Variants in SPATS2L observed in about 807,000 individuals in gnomAD.
SPATS2L encodes SPATS2-like protein.
SPATS2L carries 30 observed loss-of-function variants against 59.6 expected under a neutral mutation model. The ratio of observed to expected loss-of-function variants is 0.50; its 90% CI spans 0.38 to 0.68. SPATS2L has a LOEUF of 0.68. SPATS2L is among the 30% of genes least tolerant of loss of function. The probability of loss-of-function intolerance (pLI) is 0.00; values close to 1 mark genes in which losing one functional copy is unlikely to be tolerated. For missense variants in SPATS2L, 615 were observed against 700.0 expected (o/e 0.88, Z 1.37); for synonymous variants, 252 against 263.5 (o/e 0.96, Z 0.42).
At chr2:200,309,324 T>C (rs2079123887) in intron 1 of SPATS2L, among the ~76,000 whole-genome samples, 2 of 152,296 alleles carry the variant, frequency 1.3e-5, no homozygotes, top group South Asian at 4.1e-4. Flanking sequence ...ACAGTTTGGA[T>C]AGGATGGAAA....
chr2:200,339,464 A>T (rs1226728989), intron 2 of SPATS2L, among the ~76,000 whole-genome samples: 3 of 152,214 alleles, frequency 2.0e-5, no homozygotes, highest in African/African-American at 7.2e-5. Flanking sequence ...CTTCTTAATG[A>T]GATGTGTTTA....
At chr2:200,396,126 A>G (rs1346160945) in intron 3 of SPATS2L, among the ~76,000 whole-genome samples, 3 of 146,144 alleles carry the variant, frequency 2.1e-5, no homozygotes, top group Non-Finnish European at 4.5e-5. Context: ...GAAAAAGAAC[A>G]TAAAAGCGAA....
intron 12 of SPATS2L, among the ~76,000 whole-genome samples, chr2:200,474,189 T>C (rs1432142389): frequency 6.6e-6 from 1 of 152,034 alleles, no homozygotes; most frequent in Non-Finnish European, 1.5e-5. Context: ...TGAGAATTCT[T>C]ATTAATGATA....
intron 1 of SPATS2L, among the ~76,000 whole-genome samples, chr2:200,310,886 C>G (rs1171897314): frequency 6.6e-6 from 1 of 152,186 alleles, no homozygotes; most frequent in African/African-American, 2.4e-5. Flanking sequence ...TCAAGTCAGC[C>G]TGCCCTGATC....
intron 1 of SPATS2L, among the ~76,000 whole-genome samples, chr2:200,309,463 G>A (rs1302067554): frequency 2.0e-5 from 3 of 152,202 alleles, no homozygotes; most frequent in Non-Finnish European, 1.5e-5. Flanking sequence ...TTCTTTCCTA[G>A]CCATCTTCTG....
At chr2:200,371,991 T>C in intron 2 of SPATS2L, 1 of 981,688 alleles carries the variant, frequency 1.0e-6, no homozygotes, top group Non-Finnish European at 1.2e-6. Flanking sequence ...GAAGAAAGGC[T>C]CTTTCCATCA....
intron 2 of SPATS2L, among the ~76,000 whole-genome samples, chr2:200,361,199 G>A (rs1278409046): frequency 6.6e-6 from 1 of 151,674 alleles, no homozygotes; most frequent in Admixed American, 6.6e-5. Flanking sequence ...GTGAAAGCAT[G>A]TGGTCATGAG....
chr2:200,441,037 T>C (rs1261470945), intron 8 of SPATS2L, among the ~76,000 whole-genome samples: 1 of 152,140 alleles, frequency 6.6e-6, no homozygotes, highest in Non-Finnish European at 1.5e-5. Flanking sequence ...ATGAATGATG[T>C]AAAACAAAAC....
intron 2 of SPATS2L, among the ~76,000 whole-genome samples, chr2:200,347,844 C>T (rs576905656): frequency 1.1e-3 from 171 of 152,254 alleles, no homozygotes; most frequent in African/African-American, 3.8e-3. Context: ...TTATAGTAAA[C>T]GAAGTTGAAG....
At chr2:200,459,389 G>A (rs1353107301) in intron 8 of SPATS2L, among the ~76,000 whole-genome samples, 1 of 152,114 alleles carries the variant, frequency 6.6e-6, no homozygotes, top group Non-Finnish European at 1.5e-5. Context: ...AGAGACACTG[G>A]GAACTACAGT....
At chr2:200,403,986 C>T (rs1353630753) in intron 3 of SPATS2L, among the ~76,000 whole-genome samples, 1 of 152,210 alleles carries the variant, frequency 6.6e-6, no homozygotes, top group Non-Finnish European at 1.5e-5. Context: ...TATGTCTTCA[C>T]TCTCACTTCT....
intron 2 of SPATS2L, among the ~76,000 whole-genome samples, chr2:200,345,477 A>G (rs2080481231): frequency 6.6e-6 from 1 of 151,954 alleles, no homozygotes. Flanking sequence ...TGACTACTCT[A>G]TAGTACATTT....
At chr2:200,378,729 T>G (rs1329521383) in intron 2 of SPATS2L, among the ~76,000 whole-genome samples, 1 of 152,178 alleles carries the variant, frequency 6.6e-6, no homozygotes. Flanking sequence ...GATGGGTTCC[T>G]TTTCCACATT....
chr2:200,424,982 C>T (rs1400226583), intron 6 of SPATS2L, among the ~76,000 whole-genome samples: 1 of 152,214 alleles, frequency 6.6e-6, no homozygotes, highest in African/African-American at 2.4e-5. Flanking sequence ...TACCACAAAG[C>T]AGGAACAGCC....
At chr2:200,400,111 C>G (rs187819561) in intron 3 of SPATS2L, among the ~76,000 whole-genome samples, 17 of 152,252 alleles carry the variant, frequency 1.1e-4, no homozygotes, top group Non-Finnish European at 1.9e-4. Flanking sequence ...GTATTCTACT[C>G]TGATTAAAAT....
chr2:200,420,012 G>C (rs954625943), intron 6 of SPATS2L, among the ~76,000 whole-genome samples: 5 of 152,072 alleles, frequency 3.3e-5, no homozygotes. Flanking sequence ...CTTTAGAAAG[G>C]GCAGACCAAA....
At chr2:200,340,280 A>G (rs1389139261) in intron 2 of SPATS2L, among the ~76,000 whole-genome samples, 2 of 152,054 alleles carry the variant, frequency 1.3e-5, no homozygotes, top group African/African-American at 2.4e-5. Flanking sequence ...TATGGCTGGT[A>G]TGTGTTTTGT....
chr2:200,383,860 A>G (rs2081905199), intron 2 of SPATS2L: 4 of 998,368 alleles, frequency 4.0e-6, no homozygotes, highest in Non-Finnish European at 4.8e-6. Flanking sequence ...TGGTTTCTTA[A>G]ATCCAGTTCA....
chr2:200,357,449 T>C (rs1410397329), intron 2 of SPATS2L, among the ~76,000 whole-genome samples: 1 of 152,236 alleles, frequency 6.6e-6, no homozygotes. Flanking sequence ...CCTGTCACTT[T>C]CTTTGGAGAC....
Sources: gnomAD v4.1 joint callset for allele counts (sites outside exome capture counted in the v4.1 genomes callset) on GRCh38, gnomAD v4.1.1 for gene constraint, MANE v1.5 for transcripts, NCBI Gene and HGNC (gene_info 2026-07-23, HGNC 2026-07-21) for gene names.